The following POLR1D variants were observed in gnomAD, a reference collection of about 807,000 sequenced individuals.
The protein encoded by POLR1D is DNA-directed RNA polymerases I and III subunit RPAC2.
In POLR1D, 8 loss-of-function variants were observed where a neutral mutation model predicts 10.8. The observed-to-expected ratio is 0.74, with a 90% CI of 0.43 to 1.33. POLR1D has a LOEUF of 1.33. Ranked by LOEUF, POLR1D falls within the 40% of genes most tolerant of loss-of-function variation. The pLI, the probability that POLR1D is intolerant of heterozygous loss-of-function variation, is 0.01. For synonymous variants in POLR1D, 54 were observed against 57.2 expected, an observed-to-expected ratio of 0.94 and a Z score of 0.25; for missense variants, 152 against 161.7, an observed-to-expected ratio of 0.94 and a Z score of 0.32.
chr13:27,623,233 A>G lies in POLR1D; in HGVS notation c.385A>G (p.Asn129Asp), dbSNP rs1265484228. ...KDYKDQKASR[N>D]ESTF ...CTATAAGGATCAAAAAGCAAGCAGA[A>G]ATGAATCCACATTCTAGTCCTTTAT... Residue 129 changes from asparagine to aspartate, a missense_variant, in exon 2 of 2, where the codon AAT becomes GAT. By Grantham distance (23) the Asn-to-Asp change is conservative (BLOSUM62 1). Coordinates refer to ENST00000302979, the MANE Select transcript of POLR1D (RefSeq NM_015972.4). 2 of 1,614,020 alleles carry G rather than the reference A, an allele frequency of 1.2e-6. No individual in the cohort carries two copies. Among genetic ancestry groups the G allele is most frequent in the Admixed American group, 3.3e-5 (2 of 60,026 alleles).
At chr13:27,622,081 C>G in intron 1 of POLR1D, 72 bp downstream of exon 1, 1 of 1,352,974 alleles carries the variant, frequency 7.4e-7, no homozygotes, top group East Asian at 2.4e-5. Context: ...GGCACGCTGC[C>G]TGGCCTGGCA....
chr13:27,620,761 G>C (rs1328653794), upstream of POLR1D: 1 of 152,846 alleles, frequency 6.5e-6, no homozygotes, highest in Non-Finnish European at 1.5e-5. Flanking sequence ...CTCGCCGCCC[G>C]CCTCCCCCAC....
chr13:27,630,431 C>G (rs1232163800), intron 1 of POLR1D, among the ~76,000 whole-genome samples: 1 of 152,184 alleles, frequency 6.6e-6, no homozygotes, highest in Admixed American at 6.5e-5. Context: ...TTGGCTTAAA[C>G]AACAGCTTGG....
At chr13:27,666,841 CCTT>C (rs1203016227) in exon 3 of POLR1D, 2 of 152,090 alleles carry the variant, frequency 1.3e-5, no homozygotes, top group African/African-American at 4.8e-5. Context: ...AACCTGTATT[CCTT>C]CTTTATACTC....
chr13:27,629,997 C>T (rs1362780973), intron 1 of POLR1D, among the ~76,000 whole-genome samples: 2 of 152,058 alleles, frequency 1.3e-5, no homozygotes, highest in African/African-American at 4.8e-5. Flanking sequence ...CTGCAACCTC[C>T]GCCTCCTGGG....
At chr13:27,637,474 G>C (rs1256938905) in intron 1 of POLR1D, among the ~76,000 whole-genome samples, 9 of 152,188 alleles carry the variant, frequency 5.9e-5, no homozygotes, top group African/African-American at 1.9e-4. Context: ...ACTTTTGGCT[G>C]ACTTGTTCAG....
At chr13:27,627,583 TC>T (rs1566142616), downstream of POLR1D, among the ~76,000 whole-genome samples, 3 of 152,186 alleles carry the variant, frequency 2.0e-5, no homozygotes, top group African/African-American at 4.8e-5. Flanking sequence ...ATCTATTCTT[TC>T]ATGAGCACTC....
intron 1 of POLR1D, 28 bp downstream of exon 1, chr13:27,622,037 GC>G: frequency 1.3e-6 from 2 of 1,566,430 alleles, no homozygotes; most frequent in Non-Finnish European, 1.7e-6. Context: ...GGCGGGCGGA[GC>G]GGGCCGCGCC....
At chr13:27,648,080 G>A in intron 1 of POLR1D, 1 of 262,246 alleles carries the variant, frequency 3.8e-6, no homozygotes, top group East Asian at 9.3e-5. Flanking sequence ...CATGTCTTTT[G>A]GTTATTCAAA....
chr13:27,626,088 A>T (rs1956006265), downstream of POLR1D, among the ~76,000 whole-genome samples: 1 of 152,236 alleles, frequency 6.6e-6, no homozygotes, highest in Admixed American at 6.5e-5. Context: ...ATGTTTGTTT[A>T]AGGGCATTAG....
At chr13:27,621,803 G>T, upstream of POLR1D, 1 of 552,430 alleles carries the variant, frequency 1.8e-6, no homozygotes, top group Non-Finnish European at 3.2e-6. Context: ...TGGGGGTGGA[G>T]CCTCATGCCC....
chr13:27,639,123 C>T (rs1214907058), intron 1 of POLR1D, among the ~76,000 whole-genome samples: 1 of 152,132 alleles, frequency 6.6e-6, no homozygotes, highest in Non-Finnish European at 1.5e-5. Context: ...TATTGGCTCC[C>T]TTCCACACCC....
At chr13:27,662,859 A>G (rs1484587234) in intron 2 of POLR1D, among the ~76,000 whole-genome samples, 1 of 152,066 alleles carries the variant, frequency 6.6e-6, no homozygotes, top group Admixed American at 6.5e-5. Flanking sequence ...TCTGCATGCA[A>G]CCCTTTAAGA....
chr13:27,625,765 T>A (rs1480207757), downstream of POLR1D, among the ~76,000 whole-genome samples: 2 of 152,016 alleles, frequency 1.3e-5, no homozygotes, highest in Non-Finnish European at 2.9e-5. Context: ...ATAAGAGTAT[T>A]TGTAAGTTTG....
At chr13:27,648,583 T>G in intron 2 of POLR1D, 1 of 643,466 alleles carries the variant, frequency 1.6e-6, no homozygotes, top group South Asian at 1.5e-5. Flanking sequence ...CAGAGACAAG[T>G]GTAGAGTAAG....
intron 1 of POLR1D, chr13:27,648,205 A>G (rs1241618103): frequency 1.9e-6 from 1 of 529,172 alleles, no homozygotes; most frequent in African/African-American, 1.9e-5. Context: ...CTTTATATTA[A>G]TAGTTTCTTT....
upstream of POLR1D, chr13:27,621,776 C>G (rs1202409720): frequency 1.2e-5 from 5 of 410,924 alleles, no homozygotes; most frequent in East Asian, 1.2e-4. Flanking sequence ...CCGCTCACCC[C>G]GCGTCGGGGC....
chr13:27,651,737 G>T (rs941106384), intron 2 of POLR1D, among the ~76,000 whole-genome samples: 10 of 152,142 alleles, frequency 6.6e-5, no homozygotes, highest in Admixed American at 5.2e-4. Flanking sequence ...ATTTTTAGGA[G>T]TGTGAGTGTA....
At chr13:27,652,266 C>T (rs1410870695) in intron 2 of POLR1D, among the ~76,000 whole-genome samples, 1 of 152,196 alleles carries the variant, frequency 6.6e-6, no homozygotes, top group African/African-American at 2.4e-5. Context: ...AACTTTAGTA[C>T]CACCTACTGG....
Sources: gnomAD v4.1 joint callset for allele counts (sites outside exome capture counted in the v4.1 genomes callset) on GRCh38, gnomAD v4.1.1 for gene constraint, MANE v1.5 for transcripts, NCBI Gene and HGNC (gene_info 2026-07-23, HGNC 2026-07-21) for gene names.